CDH12: variants seen among roughly 807,000 people sequenced by gnomAD.
CDH12 encodes cadherin-12.
Under a neutral mutation model 74.1 loss-of-function variants are expected in CDH12, and 41 were observed. The ratio of observed to expected loss-of-function variants is 0.55; its 90% CI spans 0.43 to 0.72. The LOEUF (loss-of-function observed/expected upper bound fraction) is 0.72. CDH12 is among the 30% of genes least tolerant of loss of function. The pLI, the probability that CDH12 is intolerant of heterozygous loss-of-function variation, is 0.00. For missense variants in CDH12, 945 were observed against 977.2 expected, an observed-to-expected ratio of 0.97 and a Z score of 0.44; for synonymous variants, 399 against 355.0, an observed-to-expected ratio of 1.12 and a Z score of -1.39.
chr5:22,484,524 T>A (rs554974801), intron 2 of CDH12, among the ~76,000 whole-genome samples: 1 of 152,338 alleles, frequency 6.6e-6, no homozygotes, highest in African/African-American at 2.4e-5. Flanking sequence ...AAACACTGAA[T>A]GTGGAAGGAA....
intron 1 of CDH12, among the ~76,000 whole-genome samples, chr5:22,631,822 A>G (rs1158667229): frequency 6.6e-6 from 1 of 152,090 alleles, no homozygotes; most frequent in Non-Finnish European, 1.5e-5. Flanking sequence ...GGACAAAGAG[A>G]GGAATCGAGA....
intron 1 of CDH12, among the ~76,000 whole-genome samples, chr5:22,826,764 G>A (rs2126489912): frequency 6.6e-6 from 1 of 152,284 alleles, no homozygotes; most frequent in South Asian, 2.1e-4. Flanking sequence ...TGAGAAAGAT[G>A]ATTTAGGGTA....
In CDH12 at chr5:21,760,635, G is replaced by T. The variant is rs1308499095; in HGVS notation, c.1556C>A (p.Pro519His). The T allele has an allele frequency of 6.2e-7, 1 of 1,611,534 alleles. No individual in the cohort carries two copies. Among genetic ancestry groups the T allele is most frequent in the Admixed American group, 1.7e-5 (1 of 59,906 alleles). Residue 519 changes from proline (P) to histidine (H), a missense_variant, in exon 13 of 15, where the codon CCT becomes CAT. Physicochemically the swap from Pro to His is moderately conservative, Grantham distance 77. Around this residue, in one of 3 missense-constraint regions of CDH12, gnomAD observed 791 missense variants for 792.8 expected, o/e 1.00. Transcript: ENST00000382254. ...TCTAAAGGAGAATTGTTGCCCAGCA[G>T]GTGAAAGATCTCGGTCTGCAGCACT... ...IVSAADRDLS[P>H]AGQQFSFRLS...
intron 1 of CDH12, among the ~76,000 whole-genome samples, chr5:22,815,495 C>T (rs1177827803): frequency 6.6e-6 from 1 of 151,888 alleles, no homozygotes; most frequent in African/African-American, 2.4e-5. Context: ...ATGGACCGGG[C>T]GCAGTGGCTC....
chr5:22,157,924 G>A (rs959592393), intron 4 of CDH12, among the ~76,000 whole-genome samples: 2 of 150,946 alleles, frequency 1.3e-5, no homozygotes, highest in African/African-American at 4.9e-5. Context: ...TTTTTTTTCC[G>A]GGATAAAGAT....
Position 22,148,446 on chromosome 5 carries a change from C to A in CDH12, c.-187+64052G>T, listed in dbSNP as rs1327224121. ...GAAGATTTTGAGAAGTAACTAGTAT[C>A]ACATAGCAGAGGTGGGAATGCATTT... On this transcript the variant is annotated intron_variant, in intron 4 of 14. Transcript: ENST00000382254. 4.0e-5 allele frequency among the ~76,000 whole-genome samples: 6 copies of A among 151,816 alleles called. No individual in the cohort carries two copies. The East Asian group carries it at 1.2e-3, about 29-fold the overall frequency.
chr5:22,306,230 C>T (rs1204445450), intron 3 of CDH12, among the ~76,000 whole-genome samples: 1 of 152,044 alleles, frequency 6.6e-6, no homozygotes, highest in Non-Finnish European at 1.5e-5. Flanking sequence ...AGCACATGGC[C>T]GTTTGTATCT....
chr5:21,965,064 T>C (rs1334573625), intron 6 of CDH12, among the ~76,000 whole-genome samples: 1 of 151,980 alleles, frequency 6.6e-6, no homozygotes, highest in Non-Finnish European at 1.5e-5. Flanking sequence ...GAATTGCTTC[T>C]AATTCTGGCC....
At chr5:21,763,887 GAA>G (rs1314542007) in intron 12 of CDH12, among the ~76,000 whole-genome samples, 1 of 152,156 alleles carries the variant, frequency 6.6e-6, no homozygotes, top group Non-Finnish European at 1.5e-5. Flanking sequence ...TAAGAAAAAT[GAA>G]AGTCAGACAT....
chr5:22,278,054 G>A (rs1736719590), intron 3 of CDH12: 1 of 152,106 alleles, frequency 6.6e-6, no homozygotes, highest in African/African-American at 2.4e-5. Context: ...AGGGACATTC[G>A]ACTTATACCT....
intron 3 of CDH12, among the ~76,000 whole-genome samples, chr5:22,371,523 A>C (rs955376018): frequency 3.3e-5 from 5 of 152,186 alleles, no homozygotes; most frequent in Non-Finnish European, 7.3e-5. Flanking sequence ...CTGAGTTTAC[A>C]TTGGATCCTC....
intron 1 of CDH12, among the ~76,000 whole-genome samples, chr5:22,698,709 A>AG (rs1211486174): frequency 1.5e-3 from 33 of 21,422 alleles, no homozygotes; most frequent in African/African-American, 5.2e-3. Context: ...ATATATATAT[A>AG]TATATATATA....
chr5:21,958,086 G>A (rs1039869532), intron 6 of CDH12, among the ~76,000 whole-genome samples: 11 of 151,956 alleles, frequency 7.2e-5, no homozygotes, highest in African/African-American at 2.2e-4. Context: ...GAGATCTAAT[G>A]GTTTTATGAG....
chr5:22,564,709 TA>T (rs1341486549), intron 1 of CDH12, among the ~76,000 whole-genome samples: 2 of 152,230 alleles, frequency 1.3e-5, no homozygotes, highest in Non-Finnish European at 2.9e-5. Flanking sequence ...CTTCTTTATA[TA>T]ATGCATTTAT....
chr5:22,442,400 G>A (rs1744661427), intron 2 of CDH12, among the ~76,000 whole-genome samples: 1 of 152,124 alleles, frequency 6.6e-6, no homozygotes, highest in African/African-American at 2.4e-5. Context: ...AGCTACTCAA[G>A]TGGCTGAGAC....
chr5:22,295,130 G>A (rs1055158955), intron 3 of CDH12, among the ~76,000 whole-genome samples: 1 of 151,966 alleles, frequency 6.6e-6, no homozygotes, highest in Non-Finnish European at 1.5e-5. Flanking sequence ...CAAAGTTGAC[G>A]TCACTGCCTA....
intron 10 of CDH12, among the ~76,000 whole-genome samples, chr5:21,799,077 A>G (rs559876902): frequency 6.6e-5 from 10 of 152,312 alleles, no homozygotes; most frequent in South Asian, 2.1e-4. Flanking sequence ...CAACAGTCAT[A>G]AACAGAATGT....
intron 4 of CDH12, among the ~76,000 whole-genome samples, chr5:22,103,270 C>T (rs1744252121): frequency 6.6e-6 from 1 of 152,086 alleles, no homozygotes; most frequent in Non-Finnish European, 1.5e-5. Flanking sequence ...TTCTTTCACC[C>T]TGGCTCTGTC....
rs185215569 is a variant in CDH12 at position 22,742,690 on chromosome 5, T to C, written c.-523+110368A>G. Among the ~76,000 whole-genome samples the C allele has an allele frequency of 6.2e-3, 931 of 150,886 alleles. 7 individuals carry two copies. The highest frequency in any genetic ancestry group is 0.025 in the Middle Eastern group (7 of 282). ...ATCAATACATATATTTAGGATCTATTGCACAATTGAACAAGTACATTTATA... is the reference window on the plus strand; with the variant it reads ...ATCAATACATATATTTAGGATCTATCGCACAATTGAACAAGTACATTTATA... On this transcript the variant is annotated intron_variant, in intron 1 of 14. Coordinates refer to ENST00000382254, the MANE Select transcript of CDH12 (RefSeq NM_004061.5).
Sources: allele counts gnomAD v4.1 joint callset (sites outside exome capture counted in the v4.1 genomes callset), GRCh38; gene constraint gnomAD v4.1.1; regional missense constraint gnomAD v4.1.1; transcripts MANE v1.5; gene names NCBI Gene and HGNC (gene_info 2026-07-23, HGNC 2026-07-21).